Variants in LRP10 observed in about 807,000 individuals in gnomAD.
The protein encoded by LRP10 is LDL receptor related protein 10.
A neutral mutation model predicts 58.5 loss-of-function variants in LRP10; 42 were observed. The observed-to-expected ratio is 0.72, with a 90% CI of 0.56 to 0.93. LRP10 has a LOEUF of 0.93. LRP10 is among the 40% of genes least tolerant of loss of function. LRP10 has a pLI of 0.00. For synonymous variants in LRP10, 377 were observed against 388.5 expected, an observed-to-expected ratio of 0.97 and a Z score of 0.35; for missense variants, 872 against 940.1, an observed-to-expected ratio of 0.93 and a Z score of 0.95.
Position 22,877,191 on chromosome 14 carries a change from C to A in LRP10, c.1806C>A (p.Gly602=). 6.3e-7 allele frequency: 1 copy of A among 1,597,564 alleles called. No homozygotes were observed. Among genetic ancestry groups the A allele is most frequent in the Non-Finnish European group, 8.5e-7 (1 of 1,172,336 alleles). Residue 602 remains glycine, a synonymous_variant, in exon 7 of 7, where the codon GGC becomes GGA. Coordinates refer to ENST00000359591, the MANE Select transcript of LRP10 (RefSeq NM_014045.5). The surrounding 1 kb of genome is among the most constrained non-coding windows in gnomAD (Gnocchi z 5.1). ...GTGGCACAGGTCCAGCCCGTGAGGG[C>A]GGGGCAGTGGGTGGGCAAGATGGGG... The part of the protein sequence containing the change: ...LDGGTGPARE[G]GAVGGQDGEQ...
At chr14:22,873,259 G>A (rs1248447179) in intron 2 of LRP10, 52 bp from the exon 3 acceptor site, 17 of 1,576,172 alleles carry the variant, frequency 1.1e-5, no homozygotes, top group Non-Finnish European at 1.4e-5. Context: ...AAGGGGAAGG[G>A]TGGGATGCAA....
In LRP10 at chr14:22,875,665, G is replaced by A; in HGVS notation, c.717G>A (p.Leu239=). 2.5e-6 allele frequency: 4 copies of A among 1,614,170 alleles called. No individual in the cohort carries two copies. The highest frequency in any genetic ancestry group is 3.4e-6 in the Non-Finnish European group (4 of 1,180,042). ...GGCTGGCCGTGCGCTTCACAGCCCT[G>A]GACTTGGGCTTTGGAGATGCAGTGC... is the stretch of plus-strand genomic sequence containing the variant. The part of the protein sequence containing the change: ...GRRLAVRFTA[L]DLGFGDAVHV... Residue 239 remains leucine, a synonymous_variant, in exon 5 of 7, where the codon CTG becomes CTA. Transcript: ENST00000359591.
intron 5 of LRP10, 67 bp from the exon 6 acceptor site, chr14:22,876,622 G>C: frequency 1.3e-6 from 2 of 1,576,440 alleles, no homozygotes; most frequent in Non-Finnish European, 1.7e-6. Flanking sequence ...TGGGAGGACT[G>C]TCCAGGCTGA....
rs2040023469 is a variant in LRP10, at chr14:22,877,705, G to A, written c.*178G>A. On this transcript the variant is annotated 3_prime_UTR_variant, in exon 7 of 7. Coordinates refer to ENST00000359591, the MANE Select transcript of LRP10 (RefSeq NM_014045.5). This position sits in a 1 kb window ranked among gnomAD's most constrained non-coding sequence, Gnocchi z 5.1. The stretch of plus-strand genomic sequence containing the variant: ...TGCTATAAAGTTAAGTGTCCCTCAG[G>A]CAGGGAGAGGGCTCACAGAGTCTCC... 1.1e-5 allele frequency: 6 copies of A among 553,378 alleles called. No individual in the cohort carries two copies. In the South Asian group the frequency reaches 1.6e-4, roughly 14 times the overall value. 34.3% of individuals were successfully genotyped at this position (553,378 alleles called of 1,614,324 possible).
chr14:22,873,526 C>CTT (rs144635209), intron 3 of LRP10, 80 bp downstream of exon 3: 2,585 of 1,220,284 alleles, frequency 2.1e-3, no homozygotes, highest in South Asian at 3.2e-3. Context: ...GGGATCACTT[C>CTT]TTTTTTTTTT....
chr14:22,875,472 G>A lies in LRP10; in HGVS notation c.524G>A (p.Ser175Asn). ...CGDGSDEAGC[S>N]SDPFPGLTPR... ...GATGGCTCTGATGAAGCAGGTTGCA[G>A]CTCAGACCCCTTCCCTGGCCTGACC... Residue 175 changes from serine to asparagine, a missense_variant, in exon 5 of 7, where the codon AGC (serine) becomes AAC (asparagine). By Grantham distance (46) the Ser-to-Asn change is conservative (BLOSUM62 1). Coordinates refer to ENST00000359591, the MANE Select transcript of LRP10 (RefSeq NM_014045.5). The A allele has an allele frequency of 6.2e-7, 1 of 1,614,212 alleles. No individual in the cohort carries two copies. The highest frequency in any genetic ancestry group is 8.5e-7 in the Non-Finnish European group (1 of 1,180,038).
chr14:22,875,273 C>G, intron 4 of LRP10, 28 bp downstream of exon 4: 3 of 1,581,400 alleles, frequency 1.9e-6, no homozygotes, highest in Non-Finnish European at 2.6e-6. Context: ...GTCTGAGGAG[C>G]AGGCAGTGAA....
rs201600991 is a variant in LRP10, at chr14:22,876,702, C to A, written c.1438C>A (p.Leu480Ile). Residue 480 changes from leucine (L) to isoleucine (I), a missense_variant, in exon 6 of 7, where the codon CTC becomes ATC. Leu to Ile is a conservative substitution (Grantham distance 5). Coordinates refer to ENST00000359591, the MANE Select transcript of LRP10 (RefSeq NM_014045.5). The part of the protein sequence containing the change: ...RTQEYSIFAP[L>I]SRMEAEIVQQ... Reference sequence around the variant, plus strand: ...CATTCCTTCTAGCATCTTTGCCCCCCTCTCCCGGATGGAGGCTGAGATTGT... The same window carrying A: ...CATTCCTTCTAGCATCTTTGCCCCCATCTCCCGGATGGAGGCTGAGATTGT... 26 of 1,613,650 alleles carry A rather than the reference C, an allele frequency of 1.6e-5. No homozygotes were observed. The highest frequency in any genetic ancestry group is 1.9e-5 in the Non-Finnish European group (23 of 1,179,804).
chr14:22,880,066 G>T lies in LRP10; in HGVS notation c.*2539G>T, dbSNP rs1488261878. Reference sequence around the variant, plus strand: ...GGTTCAGGCTGTGAATCAGAGTCTAGAGCCTAAGATAAAAGAAGATACCAG... The same window carrying T: ...GGTTCAGGCTGTGAATCAGAGTCTATAGCCTAAGATAAAAGAAGATACCAG... On this transcript the variant is annotated 3_prime_UTR_variant, in exon 7 of 7. Coordinates refer to ENST00000359591, the MANE Select transcript of LRP10 (RefSeq NM_014045.5). The T allele has an allele frequency of 6.6e-6, 1 of 152,222 alleles. No homozygotes were observed. The highest frequency in any genetic ancestry group is 1.5e-5 in the Non-Finnish European group (1 of 68,070). 9.4% of individuals were successfully genotyped at this position (152,222 alleles called of 1,614,324 possible).
chr14:22,877,237 A>G lies in LRP10; in HGVS notation c.1852A>G (p.Ile618Val). Residue 618 changes from isoleucine (I) to valine (V), a missense_variant, in exon 7 of 7, where the codon ATC becomes GTC. Transcript: ENST00000359591. This position sits in a 1 kb window ranked among gnomAD's most constrained non-coding sequence, Gnocchi z 5.1. ...QDGEQAPPLP[I>V]KAPLPSASTS... is the part of the protein sequence containing the mutation. ...TGGGGAGCAGGCACCCCCACTGCCC[A>G]TCAAGGCTCCCCTCCCATCTGCTAG... The G allele has an allele frequency of 6.2e-7, 1 of 1,606,112 alleles. No individual in the cohort carries two copies. The highest frequency in any genetic ancestry group is 8.5e-7 in the Non-Finnish European group (1 of 1,175,998).
chr14:22,877,338 G>A lies in LRP10; in HGVS notation c.1953G>A (p.Leu651=). 1 of 1,612,790 alleles carries A rather than the reference G, an allele frequency of 6.2e-7. No homozygotes were observed. The highest frequency in any genetic ancestry group is 8.5e-7 in the Non-Finnish European group (1 of 1,179,376). Residue 651 remains leucine, a synonymous_variant, in exon 7 of 7, where the codon TTG becomes TTA. Coordinates refer to ENST00000359591, the MANE Select transcript of LRP10 (RefSeq NM_014045.5). The surrounding 1 kb of genome is among the most constrained non-coding windows in gnomAD (Gnocchi z 5.1). ...CACTGCCCCTAGAGCCATCACTATTGTCTGGAGTGGTGCAGGCCCTGCGAG... is the reference window on the plus strand; with the variant it reads ...CACTGCCCCTAGAGCCATCACTATTATCTGGAGTGGTGCAGGCCCTGCGAG... ...LPSLPLEPSL[L]SGVVQALRGR...
rs146378015 is a variant in LRP10 at position 22,876,305 on chromosome 14, G to A, written c.1357G>A (p.Gly453Ser). 62 of 1,613,986 alleles carry A rather than the reference G, an allele frequency of 3.8e-5. No individual in the cohort carries two copies. The highest frequency in any genetic ancestry group is 1.6e-4 in the Middle Eastern group (1 of 6,084). Residue 453 changes from glycine (G) to serine (S), a missense_variant, in exon 5 of 7, where the codon GGC (glycine) becomes AGC (serine). Coordinates refer to ENST00000359591, the MANE Select transcript of LRP10 (RefSeq NM_014045.5). ...TGCAGTCATTGGCAGCCTAGTGTGC[G>A]GCCTGCTCCTGGTCATCGCCCTGGG... is the stretch of plus-strand genomic sequence containing the variant. ...TAAVIGSLVC[G>S]LLLVIALGCT...
In LRP10 at chr14:22,875,626, C is replaced by T. The variant is rs1484012176; in HGVS notation, c.678C>T (p.Pro226=). 1 of 1,614,178 alleles carries T rather than the reference C, an allele frequency of 6.2e-7. No individual in the cohort carries two copies. The highest frequency in any genetic ancestry group is 1.7e-5 in the Admixed American group (1 of 60,022). Residue 226 remains proline, a synonymous_variant, in exon 5 of 7, where the codon CCC becomes CCT. Transcript: ENST00000359591. ...HPQSCHWLLD[P]HDGRRLAVRF... is the part of the protein sequence containing the mutation. Reference sequence around the variant, plus strand: ...AGTCCTGCCATTGGCTGCTGGACCCCCATGATGGCCGGCGGCTGGCCGTGC... The same window carrying T: ...AGTCCTGCCATTGGCTGCTGGACCCTCATGATGGCCGGCGGCTGGCCGTGC...
chr14:22,875,950 G>A lies in LRP10; in HGVS notation c.1002G>A (p.Glu334=). The change falls in exon 5 of 7, where the codon GAG becomes GAA. Residue 334 remains glutamate, a synonymous_variant. Coordinates refer to ENST00000359591, the MANE Select transcript of LRP10 (RefSeq NM_014045.5). ...GCCTAGGTGAGCGCTGCTACAGTGAGGCACAGCGCTGTGACGGCTCATGGG... is the reference window on the plus strand; with the variant it reads ...GCCTAGGTGAGCGCTGCTACAGTGAAGCACAGCGCTGTGACGGCTCATGGG... ...GEGLGERCYS[E]AQRCDGSWDC... is the part of the protein sequence containing the mutation. 4 of 1,613,720 alleles carry A rather than the reference G, an allele frequency of 2.5e-6. No homozygotes were observed. Among genetic ancestry groups the A allele is most frequent in the Non-Finnish European group, 3.4e-6 (4 of 1,180,034 alleles).
rs985659835 is a variant in LRP10 at position 22,875,173 on chromosome 14, G to A, written c.334G>A (p.Val112Ile). 9.9e-6 allele frequency: 16 copies of A among 1,613,368 alleles called. No individual in the cohort carries two copies. Among genetic ancestry groups the A allele is most frequent in the African/African-American group, 4.0e-5 (3 of 74,908 alleles). ...CCCTCTGCAGCTGCCCGGGGGCAAC[G>A]TCACCATCACTTACAGCTATGCTGG... is the stretch of plus-strand genomic sequence containing the variant. ...PSPLQLPGGN[V>I]TITYSYAGAR... is the part of the protein sequence containing the mutation. The change falls in exon 4 of 7, where the codon GTC becomes ATC. Residue 112 changes from valine to isoleucine, a missense_variant. Transcript: ENST00000359591.
In LRP10 at chr14:22,873,301, C is replaced by T. The variant is rs374790022; in HGVS notation, c.80-10C>T. On this transcript the variant is annotated splice_polypyrimidine_tract_variant and intron_variant, in intron 2 of 6. Transcript: ENST00000359591. ...TGTCTACTACCCGTGTCCTACCTTC[C>T]TCTCTCCAGCTTGTGAGGACCCCCC... The T allele has an allele frequency of 1.7e-4, 266 of 1,610,142 alleles. 2 individuals carry two copies. The Middle Eastern group carries it at 2.1e-3, about 13-fold the overall frequency.
chr14:22,872,320 T>G lies in LRP10; in HGVS notation c.17T>G (p.Leu6Arg), dbSNP rs528863117. 8.6e-6 allele frequency: 13 copies of G among 1,513,686 alleles called. No individual in the cohort carries two copies. The highest frequency in any genetic ancestry group is 1.7e-5 in the Admixed American group (1 of 57,158). The allele number at this position is 1,513,686 out of a possible 1,614,324, so 93.8% of individuals were successfully genotyped here. A position where few individuals can be genotyped will look rare whatever the true frequency, so the allele number is the denominator to read the frequency against. The change falls in exon 1 of 7, where the codon CTC becomes CGC. Residue 6 changes from leucine (L) to arginine (R), a missense_variant. Leu to Arg is a moderately radical substitution (Grantham distance 102). Transcript: ENST00000359591. The part of the protein sequence containing the change: MLLAT[L>R]LLLLLGGALA... ...CAGCCCAGGATGCTGTTGGCCACCC[T>G]CCTCCTCCTCCTCCTTGGTAAGAAC...
chr14:22,872,366 G>A, intron 1 of LRP10, 29 bp downstream of exon 1: 1 of 1,613,778 alleles, frequency 6.2e-7, no homozygotes, highest in Non-Finnish European at 8.5e-7. Context: ...CCAACCCCCA[G>A]CCTTCTGTCA....
intron 3 of LRP10, among the ~76,000 whole-genome samples, chr14:22,873,834 G>C (rs2039979069): frequency 1.3e-5 from 2 of 152,084 alleles, no homozygotes; most frequent in Non-Finnish European, 2.9e-5. Flanking sequence ...GCCCATTCAG[G>C]GATCACTTCT....
Sources: allele counts gnomAD v4.1 joint callset (sites outside exome capture counted in the v4.1 genomes callset), GRCh38; gene constraint gnomAD v4.1.1; non-coding constraint Gnocchi (gnomAD v3.1); transcripts MANE v1.5; gene names NCBI Gene and HGNC (gene_info 2026-07-23, HGNC 2026-07-21).